Variants in CCDC186 observed in about 807,000 individuals in gnomAD.
The protein encoded by CCDC186 is coiled-coil domain-containing protein 186.
A neutral mutation model predicts 113.7 loss-of-function variants in CCDC186; 49 were observed. The observed-to-expected ratio is 0.43, with a 90% confidence interval of 0.34 to 0.55. The LOEUF (loss-of-function observed/expected upper bound fraction) is 0.55. Among genes scored for constraint, CCDC186 ranks in the 20% least tolerant of loss-of-function variants. The pLI, the probability that CCDC186 is intolerant of heterozygous loss-of-function variation, is 0.02. For synonymous variants in CCDC186, 355 were observed against 345.8 expected, an observed-to-expected ratio of 1.03 and a Z score of -0.30; for missense variants, 890 against 1,011.1, an observed-to-expected ratio of 0.88 and a Z score of 1.62.
intron 14 of CCDC186, 72 bp downstream of exon 14, chr10:114,127,389 T>C: frequency 7.2e-7 from 1 of 1,393,326 alleles, no homozygotes; most frequent in South Asian, 1.3e-5. Context: ...ATGACTAATT[T>C]TAAAAACAGT....
chr10:114,160,256 CACA>C (rs2032131643), intron 2 of CCDC186, among the ~76,000 whole-genome samples: 1 of 146,674 alleles, frequency 6.8e-6, no homozygotes, highest in African/African-American at 2.5e-5. Context: ...TGTGACACAG[CACA>C]ACTCCACCTC....
At chr10:114,139,833 C>T (rs2031410358) in intron 6 of CCDC186, among the ~76,000 whole-genome samples, 1 of 152,086 alleles carries the variant, frequency 6.6e-6, no homozygotes, top group Non-Finnish European at 1.5e-5. Flanking sequence ...TGTTTTTCTA[C>T]TACTATATCA....
At chr10:114,156,412 C>T (rs1479971827) in intron 3 of CCDC186, among the ~76,000 whole-genome samples, 3 of 152,188 alleles carry the variant, frequency 2.0e-5, no homozygotes, top group African/African-American at 7.2e-5. Context: ...ATTCATGCAT[C>T]AGAGGAGTTC....
chr10:114,129,533 G>T (rs2031019750), intron 13 of CCDC186, among the ~76,000 whole-genome samples: 1 of 151,946 alleles, frequency 6.6e-6, no homozygotes, highest in South Asian at 2.1e-4. Context: ...AATAAAAAAT[G>T]CTATTTATTT....
intron 11 of CCDC186, 124 bp downstream of exon 11, chr10:114,131,805 G>T: frequency 1.4e-6 from 1 of 739,202 alleles, no homozygotes. Context: ...TACAGCAGTT[G>T]AAATTGTCAG....
Position 114,122,527 on chromosome 10 carries a change from T to C in CCDC186, c.*2616A>G, listed in dbSNP as rs2030762140. 6.6e-6 allele frequency: 1 copy of C among 152,148 alleles called. No individual in the cohort carries two copies. The highest frequency in any genetic ancestry group is 2.1e-4 in the South Asian group (1 of 4,826). The allele number at this position is 152,148 out of a possible 1,614,324, so 9.4% of individuals were successfully genotyped here. ...CTTCCAGCTCAAATAAACCACAATATTGATACATAACCAAAACAGCCTTGA... is the reference window on the plus strand; with the variant it reads ...CTTCCAGCTCAAATAAACCACAATACTGATACATAACCAAAACAGCCTTGA... On this transcript the variant is annotated 3_prime_UTR_variant, in exon 16 of 16. Coordinates refer to ENST00000369287, the MANE Select transcript of CCDC186 (RefSeq NM_018017.4).
chr10:114,150,685 G>A (rs2031827427), intron 4 of CCDC186, among the ~76,000 whole-genome samples: 1 of 151,738 alleles, frequency 6.6e-6, no homozygotes, highest in East Asian at 1.9e-4. Context: ...GTCTTGCTTT[G>A]TCACCCAGGC....
At chr10:114,130,663 C>G (rs945160548) in intron 12 of CCDC186, 6 of 151,676 alleles carry the variant, frequency 4.0e-5, no homozygotes, top group African/African-American at 1.5e-4. Flanking sequence ...CCCTAGATGC[C>G]GGTAGCCTAG....
At chr10:114,166,629 C>T (rs983917802) in intron 1 of CCDC186, among the ~76,000 whole-genome samples, 1 of 152,172 alleles carries the variant, frequency 6.6e-6, no homozygotes, top group African/African-American at 2.4e-5. Context: ...ATCTAACAAA[C>T]ATATTCTCTA....
At position 114,125,176 on chromosome 10, in the gene CCDC186, C is replaced by T. The variant is rs1354467773; in HGVS notation, c.2664G>A (p.Gln888=). The T allele has an allele frequency of 3.7e-6, 6 of 1,610,422 alleles. No individual in the cohort carries two copies. The highest frequency in any genetic ancestry group is 1.3e-5 in the African/African-American group (1 of 74,614). Residue 888 remains glutamine (Q), a synonymous_variant, in exon 16 of 16, where the codon CAG becomes CAA. Transcript: ENST00000369287. ...TCTTTGTCCTCTGTTCTAGTTCATG[C>T]TGGTGTTTAATAAGACGTTCTATTT... ...GTEIERLIKH[Q]HELEQRTKKT
At chr10:114,135,853 T>G (rs1227050397) in intron 9 of CCDC186, 38 bp downstream of exon 9, 1 of 1,446,884 alleles carries the variant, frequency 6.9e-7, no homozygotes, top group Non-Finnish European at 9.6e-7. Flanking sequence ...TTAAGATATT[T>G]ACCCTTCCTC....
intron 1 of CCDC186, among the ~76,000 whole-genome samples, chr10:114,170,767 C>T (rs1486132284): frequency 1.3e-5 from 2 of 151,998 alleles, no homozygotes; most frequent in Admixed American, 1.3e-4. Flanking sequence ...ACAATCCAGA[C>T]TCAGGGCAAG....
chr10:114,171,297 A>G (rs796591049), intron 1 of CCDC186, among the ~76,000 whole-genome samples: 3 of 152,170 alleles, frequency 2.0e-5, no homozygotes, highest in African/African-American at 7.2e-5. Flanking sequence ...GCACTTTGGG[A>G]GGCCTAGATG....
chr10:114,121,221 A>G lies in CCDC186; in HGVS notation c.*3922T>C, dbSNP rs1286488161. 1 of 152,168 alleles carries G rather than the reference A, an allele frequency of 6.6e-6. No homozygotes were observed. Among genetic ancestry groups the G allele is most frequent in the African/African-American group, 2.4e-5 (1 of 41,454 alleles). The allele number at this position is 152,168 out of a possible 1,614,324, so 9.4% of individuals were successfully genotyped here. A position where few individuals can be genotyped will look rare whatever the true frequency, so the allele number is the denominator to read the frequency against. ...AAAATTTCAGGTTTCTAGTGCCACC[A>G]ACTGGTGTTAATTAAAAATCAACAA... is the stretch of plus-strand genomic sequence containing the variant. On this transcript the variant is annotated 3_prime_UTR_variant, in exon 16 of 16. Transcript: ENST00000369287.
At position 114,126,046 on chromosome 10, in the gene CCDC186, T is replaced by C; in HGVS notation, c.2453A>G (p.Asp818Gly). 6.2e-7 allele frequency: 1 copy of C among 1,614,038 alleles called. No homozygotes were observed. Among genetic ancestry groups the C allele is most frequent in the Non-Finnish European group, 8.5e-7 (1 of 1,179,964 alleles). The change falls in exon 15 of 16, where the codon GAT (aspartate) becomes GGT (glycine). Residue 818 changes from aspartate (D) to glycine (G), a missense_variant. Coordinates refer to ENST00000369287, the MANE Select transcript of CCDC186 (RefSeq NM_018017.4). ...TCTACTTAAATGAACTTTGTTAAAA[T>C]CAGATGCCTCTGAAGAAAGTGTGCC... ...ESGTLSSEAS[D>G]FNKVHLSRRG...
chr10:114,149,564 A>G (rs71484924), intron 4 of CCDC186, among the ~76,000 whole-genome samples: 1,067 of 47,774 alleles, frequency 0.022, 21 homozygotes, highest in African/African-American at 0.029. Flanking sequence ...GAAGGAAAGG[A>G]AAGGGAAGGG....
intron 4 of CCDC186, among the ~76,000 whole-genome samples, chr10:114,146,553 T>C (rs2031646216): frequency 1.3e-5 from 2 of 152,232 alleles, no homozygotes. Flanking sequence ...AAGAAATACC[T>C]AACTGGATTA....
Position 114,136,271 on chromosome 10 carries a change from T to A in CCDC186, c.1327-25A>T, listed in dbSNP as rs370303884. ...CCTAGTGGAAAGAAAACAAAAAAAG[T>A]GTGACAATTTTTAACCCATTTCCCG... On this transcript the variant is annotated intron_variant, in intron 7 of 15. Coordinates refer to ENST00000369287, the MANE Select transcript of CCDC186 (RefSeq NM_018017.4). 5 of 1,562,202 alleles carry A rather than the reference T, an allele frequency of 3.2e-6. No homozygotes were observed. The African/African-American group carries it at 6.8e-5, about 21-fold the overall frequency.
At chr10:114,168,516 T>C (rs2032399214) in intron 1 of CCDC186, among the ~76,000 whole-genome samples, 1 of 152,212 alleles carries the variant, frequency 6.6e-6, no homozygotes, top group Admixed American at 6.5e-5. Flanking sequence ...TGGTTCAAGG[T>C]ATTTTTCAGA....
Sources: allele counts gnomAD v4.1 joint callset (sites outside exome capture counted in the v4.1 genomes callset), GRCh38; gene constraint gnomAD v4.1.1; transcripts MANE v1.5; gene names NCBI Gene and HGNC (gene_info 2026-07-23, HGNC 2026-07-21).